Variants in SYTL3 observed in about 807,000 individuals in gnomAD.
SYTL3 encodes synaptotagmin-like protein 3.
SYTL3 carries 88 observed loss-of-function variants against 82.1 expected under a neutral mutation model. The ratio of observed to expected loss-of-function variants is 1.07; its 90% CI spans 0.90 to 1.28. SYTL3 has a LOEUF of 1.28. Among genes scored for constraint, SYTL3 ranks in the 50% most tolerant of loss-of-function variants. The probability of loss-of-function intolerance (pLI) is 0.00; values close to 1 mark genes in which losing one functional copy is unlikely to be tolerated. For missense variants in SYTL3, 831 were observed against 757.6 expected (o/e 1.10, Z -1.14); for synonymous variants, 311 against 289.4 (o/e 1.07, Z -0.76).
intron 11 of SYTL3, among the ~76,000 whole-genome samples, chr6:158,728,746 C>T (rs1785040128): frequency 6.6e-6 from 1 of 151,650 alleles, no homozygotes; most frequent in Non-Finnish European, 1.5e-5. Context: ...CGAGACCATC[C>T]TGGCTAACAA....
At chr6:158,726,307 C>G (rs1429091434) in intron 11 of SYTL3, 1 of 392,992 alleles carries the variant, frequency 2.5e-6, no homozygotes, top group Non-Finnish European at 4.9e-6. Context: ...CAGGCGTCTT[C>G]AGGTTTCTTC....
upstream of SYTL3, among the ~76,000 whole-genome samples, chr6:158,645,239 A>G (rs553964398): frequency 6.6e-6 from 1 of 152,262 alleles, no homozygotes; most frequent in East Asian, 1.9e-4. Flanking sequence ...TTCCAGGTAA[A>G]TGAGAATTTT....
At position 158,693,855 on chromosome 6, in the gene SYTL3, C is replaced by CTTTTTTTTTTTTTTTTTT. The variant is rs575358067; in HGVS notation, c.394+10867_394+10884dup. On this transcript the variant is annotated intron_variant, in intron 6 of 17. Transcript: ENST00000611299. ...TGCATCCAGCCTTTCTTTTTCTTTTCTTTTTTTTTTTTTTTTTTGTAGATA... is the reference window on the plus strand; with the variant it reads ...TGCATCCAGCCTTTCTTTTTCTTTTCTTTTTTTTTTTTTTTTTTTTTTTTTTTTTTTTTTTTGTAGATA... Among the ~76,000 whole-genome samples, 3 of 96,866 alleles carry CTTTTTTTTTTTTTTTTTT rather than the reference C, an allele frequency of 3.1e-5. 1 individual carries two copies. Among genetic ancestry groups the CTTTTTTTTTTTTTTTTTT allele is most frequent in the African/African-American group, 1.6e-4 (3 of 18,590 alleles). The allele number at this position is 96,866 out of a possible 152,430, so 63.5% of individuals were successfully genotyped here.
intron 6 of SYTL3, among the ~76,000 whole-genome samples, chr6:158,690,581 A>G (rs942049807): frequency 6.6e-5 from 10 of 152,176 alleles, no homozygotes; most frequent in Admixed American, 5.9e-4. Context: ...TTGTGGTAAT[A>G]TGTGTTGTGC....
chr6:158,668,034 G>A (rs2128375201), intron 5 of SYTL3, among the ~76,000 whole-genome samples: 1 of 152,258 alleles, frequency 6.6e-6, no homozygotes, highest in Admixed American at 6.5e-5. Flanking sequence ...AATCGTGTGG[G>A]GTAGCTACTA....
At chr6:158,749,407 A>G (rs1379078306) in intron 12 of SYTL3, among the ~76,000 whole-genome samples, 37 of 137,338 alleles carry the variant, frequency 2.7e-4, no homozygotes, top group East Asian at 3.9e-4. Context: ...AAAAAAAAAA[A>G]AAAGAAAGAA....
At chr6:158,660,713 G>A (rs574646940) in intron 2 of SYTL3, among the ~76,000 whole-genome samples, 1 of 152,292 alleles carries the variant, frequency 6.6e-6, no homozygotes, top group South Asian at 2.1e-4. Context: ...ACAGCCACAT[G>A]AAAAGAAAGC....
intron 11 of SYTL3, chr6:158,726,044 T>C: frequency 1.7e-6 from 1 of 575,892 alleles, no homozygotes; most frequent in Non-Finnish European, 3.3e-6. Context: ...CAATCTCATG[T>C]GTTAAAATCT....
In SYTL3 at chr6:158,761,132, C is replaced by T. The variant is rs184848343; in HGVS notation, c.1414+387C>T. Among the ~76,000 whole-genome samples, 15 of 152,182 alleles carry T rather than the reference C, an allele frequency of 9.9e-5. No individual in the cohort carries two copies. The South Asian group carries it at 2.7e-3, about 27-fold the overall frequency. ...GCAGGGCTCAGACGAGATAAATCCC[C>T]GCCCCCAGGCATGTGGGTAGCTGCT... On this transcript the variant is annotated intron_variant, in intron 15 of 17. Coordinates refer to ENST00000611299, the MANE Select transcript of SYTL3 (RefSeq NM_001242394.2).
rs528343554 is a variant in SYTL3, at chr6:158,705,053, G to A, written c.395-2177G>A. On this transcript the variant is annotated intron_variant, in intron 6 of 17. Coordinates refer to ENST00000611299, the MANE Select transcript of SYTL3 (RefSeq NM_001242394.2). ...AGGGCTGTAAGGCCACATAGGGCAG[G>A]AGGGACCCGGGGCAGGGTGACAGTG... 3.7e-4 allele frequency among the ~76,000 whole-genome samples: 30 copies of A among 81,464 alleles called. 1 individual carries two copies. The highest frequency in any genetic ancestry group is 1.6e-3 in the South Asian group (4 of 2,574). The allele number at this position is 81,464 out of a possible 152,430, so 53.4% of individuals were successfully genotyped here.
intron 5 of SYTL3, among the ~76,000 whole-genome samples, chr6:158,669,678 T>A (rs902971986): frequency 6.6e-6 from 1 of 152,238 alleles, no homozygotes; most frequent in African/African-American, 2.4e-5. Context: ...GTTGAAAAAT[T>A]GATCCAGACC....
At chr6:158,690,673 A>C (rs1408559421) in intron 6 of SYTL3, among the ~76,000 whole-genome samples, 1 of 152,226 alleles carries the variant, frequency 6.6e-6, no homozygotes, top group Non-Finnish European at 1.5e-5. Flanking sequence ...TAGTACAAAA[A>C]ATTTTAAATA....
chr6:158,710,873 C>T (rs891771929), intron 8 of SYTL3, among the ~76,000 whole-genome samples: 2 of 151,938 alleles, frequency 1.3e-5, no homozygotes, highest in Non-Finnish European at 2.9e-5. Flanking sequence ...CTCCACCTCC[C>T]GGGTTCAAGC....
chr6:158,743,846 T>G (rs541599738), intron 11 of SYTL3, among the ~76,000 whole-genome samples: 7 of 152,194 alleles, frequency 4.6e-5, no homozygotes, highest in Admixed American at 4.6e-4. Context: ...CTGGATGTGG[T>G]GAAGCTTGTT....
At chr6:158,648,812 G>A (rs1408261420), upstream of SYTL3, among the ~76,000 whole-genome samples, 1 of 152,176 alleles carries the variant, frequency 6.6e-6, no homozygotes, top group Non-Finnish European at 1.5e-5. Flanking sequence ...ACTCATGGCT[G>A]AGGAATTTAA....
intron 6 of SYTL3, 133 bp from the exon 7 acceptor site, chr6:158,707,097 T>C (rs1276570829): frequency 1.1e-6 from 1 of 931,162 alleles, no homozygotes; most frequent in Non-Finnish European, 1.6e-6. Flanking sequence ...TTCTATCACC[T>C]CAAAATGATC....
At chr6:158,741,701 A>G (rs1011594604) in intron 11 of SYTL3, among the ~76,000 whole-genome samples, 1 of 152,168 alleles carries the variant, frequency 6.6e-6, no homozygotes, top group Non-Finnish European at 1.5e-5. Context: ...ACACATCACA[A>G]TCTGATTGAG....
Position 158,725,505 on chromosome 6 carries a change from G to T in SYTL3, c.723G>T (p.Lys241Asn). 1.2e-6 allele frequency: 2 copies of T among 1,613,372 alleles called. No individual in the cohort carries two copies. The highest frequency in any genetic ancestry group is 1.7e-6 in the Non-Finnish European group (2 of 1,179,784). The change falls in exon 11 of 18, where the codon AAG becomes AAT. Residue 241 changes from lysine to asparagine, a missense_variant and splice_region_variant. By Grantham distance (94) the Lys-to-Asn change is moderately conservative. Transcript: ENST00000611299. The part of the protein sequence containing the change: ...SDTAVNVTTR[K>N]VSAPDILKPL... ...AATTTCTGTTTTTCCTTCTCCAGAA[G>T]GTCAGTGCACCAGATATTCTGAAAC... is the stretch of plus-strand genomic sequence containing the variant.
At chr6:158,684,457 G>A (rs1779074281) in intron 6 of SYTL3, among the ~76,000 whole-genome samples, 1 of 152,216 alleles carries the variant, frequency 6.6e-6, no homozygotes, top group African/African-American at 2.4e-5. Flanking sequence ...GAAGAGCTGT[G>A]ATGGGGCATC....
Sources: allele counts gnomAD v4.1 joint callset (sites outside exome capture counted in the v4.1 genomes callset), GRCh38; gene constraint gnomAD v4.1.1; transcripts MANE v1.5; gene names NCBI Gene and HGNC (gene_info 2026-07-23, HGNC 2026-07-21).